Variants in ERMP1 observed in about 807,000 individuals in gnomAD.
ERMP1 encodes the protein endoplasmic reticulum metallopeptidase 1.
Under a neutral mutation model 92.0 loss-of-function variants are expected in ERMP1, and 86 were observed. That is an observed-to-expected ratio of 0.93 (90% confidence interval 0.79 to 1.12). The LOEUF is 1.12. Ranked by LOEUF, ERMP1 falls within the 50% of genes most tolerant of loss-of-function variation. ERMP1 has a pLI of 0.00. For missense variants in ERMP1, 1,342 were observed against 1,116.3 expected, an observed-to-expected ratio of 1.20 and a Z score of -2.88; for synonymous variants, 530 against 412.8, an observed-to-expected ratio of 1.28 and a Z score of -3.44.
chr9:5,863,634 G>C (rs990417336), intron 5 of ERMP1, among the ~76,000 whole-genome samples: 1 of 152,140 alleles, frequency 6.6e-6, no homozygotes, highest in African/African-American at 2.4e-5. Context: ...TACTATGTAA[G>C]GATCAGAGGG....
chr9:5,856,129 C>T, intron 6 of ERMP1: 1 of 339,404 alleles, frequency 2.9e-6, no homozygotes, highest in Non-Finnish European at 5.9e-6. Context: ...TCACTAAATC[C>T]ACTTCATATA....
rs1001427245 is a variant in ERMP1, at chr9:5,786,197, C to A, written c.*947G>T. The stretch of plus-strand genomic sequence containing the variant: ...TAAGATTATACCATGAAGGACTAAC[C>A]TTGTATAACACAAGACTCCTATGAA... On this transcript the variant is annotated 3_prime_UTR_variant, in exon 15 of 15. Coordinates refer to ENST00000339450, the MANE Select transcript of ERMP1 (RefSeq NM_024896.3). 1 of 152,138 alleles carries A rather than the reference C, an allele frequency of 6.6e-6. No homozygotes were observed. The highest frequency in any genetic ancestry group is 1.5e-5 in the Non-Finnish European group (1 of 68,020). The allele number at this position is 152,138 out of a possible 1,614,324, so 9.4% of individuals were successfully genotyped here. A position where few individuals can be genotyped will look rare whatever the true frequency, so the allele number is the denominator to read the frequency against.
chr9:5,800,430 C>A (rs1364332025), intron 11 of ERMP1, among the ~76,000 whole-genome samples: 1 of 152,160 alleles, frequency 6.6e-6, no homozygotes, highest in Non-Finnish European at 1.5e-5. Context: ...ATCCCAAGCA[C>A]TTTGGGAGGC....
intron 10 of ERMP1, among the ~76,000 whole-genome samples, chr9:5,803,180 A>C (rs975540878): frequency 6.6e-6 from 1 of 152,348 alleles, no homozygotes; most frequent in East Asian, 1.9e-4. Context: ...TCCATTACCC[A>C]AAGAAAACAG....
At chr9:5,792,609 AT>A (rs1358864653) in intron 13 of ERMP1, among the ~76,000 whole-genome samples, 1 of 152,192 alleles carries the variant, frequency 6.6e-6, no homozygotes, top group African/African-American at 2.4e-5. Flanking sequence ...GAAAAACCAC[AT>A]GCAACTTATT....
intron 6 of ERMP1, among the ~76,000 whole-genome samples, chr9:5,838,515 G>C (rs532136320): frequency 1.8e-4 from 27 of 147,220 alleles, no homozygotes; most frequent in Non-Finnish European, 3.7e-4. Flanking sequence ...TGGGCGACAG[G>C]GCAAAACCCT....
Position 5,832,726 on chromosome 9 carries a change from G to A in ERMP1, c.302C>T (p.Ala101Val). ...SLQQLVLRGA[A>V]GHRGEFDALQ... ...CGCGTCGAACTCCCCGCGGTGTCCA[G>A]CGGCCCCGCGTAGCACGAGCTGCTG... Residue 101 changes from alanine (A) to valine (V), a missense_variant, in exon 1 of 15, where the codon GCT becomes GTT. Physicochemically the swap from Ala to Val is moderately conservative, Grantham distance 64 (BLOSUM62 0). Coordinates refer to ENST00000339450, the MANE Select transcript of ERMP1 (RefSeq NM_024896.3). 1.3e-6 allele frequency: 2 copies of A among 1,493,868 alleles called. No homozygotes were observed. The highest frequency in any genetic ancestry group is 1.8e-6 in the Non-Finnish European group (2 of 1,130,276). The allele number at this position is 1,493,868 out of a possible 1,614,324, so 92.5% of individuals were successfully genotyped here. A position where few individuals can be genotyped will look rare whatever the true frequency, so the allele number is the denominator to read the frequency against.
intron 12 of ERMP1, 52 bp downstream of exon 12, chr9:5,798,754 G>T: frequency 8.6e-7 from 1 of 1,166,242 alleles, no homozygotes; most frequent in Non-Finnish European, 1.3e-6. Context: ...TACTGATATG[G>T]TGACAAGACT....
upstream of ERMP1, among the ~76,000 whole-genome samples, chr9:5,837,777 T>C (rs1379767852): frequency 6.6e-6 from 1 of 152,230 alleles, no homozygotes; most frequent in Non-Finnish European, 1.5e-5. Flanking sequence ...AAGGAATGCA[T>C]GTGAAAATGT....
chr9:5,860,042 A>G (rs1830440814), intron 5 of ERMP1, among the ~76,000 whole-genome samples: 1 of 152,064 alleles, frequency 6.6e-6, no homozygotes, highest in African/African-American at 2.4e-5. Context: ...GCTTATGTCT[A>G]TAATTTCAGC....
chr9:5,852,473 C>G (rs1830321549), intron 6 of ERMP1, among the ~76,000 whole-genome samples: 1 of 151,850 alleles, frequency 6.6e-6, no homozygotes, highest in African/African-American at 2.4e-5. Flanking sequence ...CCAGGCTGGT[C>G]TCGAACTCCT....
At chr9:5,865,925 G>C (rs1397026669) in intron 5 of ERMP1, among the ~76,000 whole-genome samples, 1 of 151,212 alleles carries the variant, frequency 6.6e-6, no homozygotes, top group Non-Finnish European at 1.5e-5. Context: ...ACAGCTAAAA[G>C]TTAGCAGGGT....
chr9:5,838,206 C>A (rs1032856760), intron 6 of ERMP1, among the ~76,000 whole-genome samples: 3 of 152,188 alleles, frequency 2.0e-5, no homozygotes, highest in Admixed American at 6.5e-5. Flanking sequence ...ATTGAAAAGA[C>A]CTTTCTGGAA....
Position 5,849,123 on chromosome 9 carries a change from A to G in ERMP1, n.3199+10345T>C, listed in dbSNP as rs115158789. On this transcript the variant is annotated intron_variant and non_coding_transcript_variant, in intron 6 of 6. Transcript: ENST00000690753. ...CTGCAACCTCTGCCTCCTGAGTTCA[A>G]CCAAGCCTCCTGACTGGGCTTCCCG... is the stretch of plus-strand genomic sequence containing the variant. Among the ~76,000 whole-genome samples the G allele has an allele frequency of 1.1e-3, 169 of 152,290 alleles. 1 individual carries two copies. The highest frequency in any genetic ancestry group is 3.4e-3 in the Middle Eastern group (1 of 294).
At chr9:5,826,884 C>T (rs536696930) in intron 2 of ERMP1, among the ~76,000 whole-genome samples, 2 of 152,288 alleles carry the variant, frequency 1.3e-5, no homozygotes, top group Admixed American at 6.5e-5. Context: ...GTCCATTCAG[C>T]TTCCCTTATT....
chr9:5,829,775 A>T (rs1158216107), intron 2 of ERMP1, among the ~76,000 whole-genome samples: 1 of 152,224 alleles, frequency 6.6e-6, no homozygotes, highest in Non-Finnish European at 1.5e-5. Context: ...GTACTCCTGT[A>T]TCAAATGAGG....
intron 5 of ERMP1, chr9:5,812,664 CCT>C (rs1190838803): frequency 1.7e-5 from 10 of 575,606 alleles, no homozygotes; most frequent in South Asian, 3.9e-5. Flanking sequence ...ACAGTTCACC[CCT>C]GTTCTTCTAT....
chr9:5,792,179 C>T (rs947033365), intron 13 of ERMP1, among the ~76,000 whole-genome samples: 1 of 152,102 alleles, frequency 6.6e-6, no homozygotes, highest in Non-Finnish European at 1.5e-5. Context: ...TACACAAAGT[C>T]CAGACTACCG....
At chr9:5,804,980 A>T in intron 10 of ERMP1, 47 bp downstream of exon 10, 1 of 1,413,734 alleles carries the variant, frequency 7.1e-7, no homozygotes, top group Non-Finnish European at 9.8e-7. Context: ...CTAAATTCAT[A>T]TTCATATAAA....
Sources: gnomAD v4.1 joint callset for allele counts (sites outside exome capture counted in the v4.1 genomes callset) on GRCh38, gnomAD v4.1.1 for gene constraint, MANE v1.5 for transcripts, NCBI Gene and HGNC (gene_info 2026-07-23, HGNC 2026-07-21) for gene names.